Variants in CAMK2D observed in about 807,000 individuals in gnomAD.
The protein encoded by CAMK2D is calcium/calmodulin dependent protein kinase II delta.
A neutral mutation model predicts 84.0 loss-of-function variants in CAMK2D; 37 were observed. The ratio of observed to expected loss-of-function variants is 0.44; its 90% CI spans 0.34 to 0.58. CAMK2D has a LOEUF of 0.58. Ranked by LOEUF, CAMK2D falls within the 20% of genes least tolerant of loss-of-function variation. The pLI is 0.02. For synonymous variants in CAMK2D, 202 were observed against 212.5 expected, an observed-to-expected ratio of 0.95 and a Z score of 0.43; for missense variants, 448 against 652.5, an observed-to-expected ratio of 0.69 and a Z score of 3.41.
chr4:113,486,129 A>ATTT, intron 16 of CAMK2D, among the ~76,000 whole-genome samples: 1 of 146,746 alleles, frequency 6.8e-6, no homozygotes, highest in African/African-American at 2.5e-5. Context: ...TCCTCCTTTG[A>ATTT]TTTTTTTTTT....
At chr4:113,692,313 A>C (rs926614556) in intron 2 of CAMK2D, among the ~76,000 whole-genome samples, 1 of 152,070 alleles carries the variant, frequency 6.6e-6, no homozygotes, top group African/African-American at 2.4e-5. Context: ...CTACATTAAA[A>C]TATGGCCATA....
Position 113,493,548 on chromosome 4 carries a change from C to T in CAMK2D, c.1135+6915G>A, listed in dbSNP as rs1326134921. Among the ~76,000 whole-genome samples, 48 of 152,110 alleles carry T rather than the reference C, an allele frequency of 3.2e-4. 1 individual carries two copies. The South Asian group carries it at 6.9e-3, about 22-fold the overall frequency. On this transcript the variant is annotated intron_variant, in intron 16 of 20. Transcript: ENST00000511664. ...GATGGGCTTCCCTTTGAGGGTGACC[C>T]GACCTTTCTCTCTGGCTGCCCTTAA...
At chr4:113,568,577 T>C (rs919812103) in intron 4 of CAMK2D, among the ~76,000 whole-genome samples, 20 of 152,246 alleles carry the variant, frequency 1.3e-4, no homozygotes, top group African/African-American at 4.8e-4. Flanking sequence ...TCAATTCTTT[T>C]TGGTATATAC....
At chr4:113,548,815 A>C in intron 5 of CAMK2D, 1 of 664,286 alleles carries the variant, frequency 1.5e-6, no homozygotes, top group South Asian at 1.9e-5. Flanking sequence ...GAAAGTCCCA[A>C]TGAAACAAAC....
At chr4:113,708,929 C>T (rs1310457732) in intron 2 of CAMK2D, among the ~76,000 whole-genome samples, 1 of 152,056 alleles carries the variant, frequency 6.6e-6, no homozygotes, top group Non-Finnish European at 1.5e-5. Context: ...ACCATGTTGG[C>T]CAGGCTGGTC....
intron 4 of CAMK2D, among the ~76,000 whole-genome samples, chr4:113,607,137 T>G (rs552786307): frequency 7.4e-5 from 11 of 147,822 alleles, no homozygotes; most frequent in Admixed American, 1.3e-4. Flanking sequence ...TAAAGAAAGC[T>G]CAAGAAAAAA....
chr4:113,564,907 A>G (rs561825526), intron 4 of CAMK2D, among the ~76,000 whole-genome samples: 59 of 152,198 alleles, frequency 3.9e-4, no homozygotes, highest in Non-Finnish European at 6.9e-4. Flanking sequence ...CTCAGAAAAT[A>G]CAAAATGTAA....
intron 2 of CAMK2D, among the ~76,000 whole-genome samples, chr4:113,729,932 G>A (rs2099558999): frequency 6.6e-6 from 1 of 152,138 alleles, no homozygotes; most frequent in Non-Finnish European, 1.5e-5. Flanking sequence ...CCAGCCTCTA[G>A]AACTGTGAGA....
rs149044439 is a variant in CAMK2D, at chr4:113,454,311, T to A, written c.*234A>T. 3.3e-4 allele frequency: 132 copies of A among 394,702 alleles called. No homozygotes were observed. The highest frequency in any genetic ancestry group is 2.5e-3 in the African/African-American group (123 of 48,338). The allele number at this position is 394,702 out of a possible 1,614,324, so 24.4% of individuals were successfully genotyped here. A position where few individuals can be genotyped will look rare whatever the true frequency, so the allele number is the denominator to read the frequency against. ...TTTTGCCAACAGTAATTTAAGTTTG[T>A]GTGGAACATCCCCGTAGTTGAAGTG... On this transcript the variant is annotated 3_prime_UTR_variant, in exon 21 of 21. Coordinates refer to ENST00000511664, the MANE Select transcript of CAMK2D (RefSeq NM_001321571.2).
chr4:113,689,761 C>T (rs78940625), intron 2 of CAMK2D, among the ~76,000 whole-genome samples: 2,281 of 152,234 alleles, frequency 0.015, 38 homozygotes, highest in East Asian at 0.076. Context: ...TCCTTCATAG[C>T]ACTTACTACA....
chr4:113,621,957 T>C (rs1008093926), intron 3 of CAMK2D, among the ~76,000 whole-genome samples: 1 of 152,228 alleles, frequency 6.6e-6, no homozygotes, highest in Non-Finnish European at 1.5e-5. Flanking sequence ...TGTCTTCATC[T>C]ATATGGGGCT....
chr4:113,667,035 C>T (rs2099260131), intron 2 of CAMK2D, among the ~76,000 whole-genome samples: 1 of 152,182 alleles, frequency 6.6e-6, no homozygotes, highest in Admixed American at 6.5e-5. Context: ...TGTTTCATTT[C>T]CAAGAAACTA....
intron 5 of CAMK2D, chr4:113,548,698 T>G (rs768312126): frequency 3.0e-5 from 48 of 1,588,056 alleles, no homozygotes; most frequent in Non-Finnish European, 4.1e-5. Flanking sequence ...TGACAATGAT[T>G]AACACTTTCT....
chr4:113,534,463 G>A (rs1249615661), intron 7 of CAMK2D, among the ~76,000 whole-genome samples: 1 of 152,164 alleles, frequency 6.6e-6, no homozygotes, highest in Non-Finnish European at 1.5e-5. Flanking sequence ...ACTCTAACAG[G>A]TACCTTAACA....
At position 113,502,816 on chromosome 4, in the gene CAMK2D, T is replaced by C; in HGVS notation, c.1086+120A>G. On this transcript the variant is annotated intron_variant, in intron 15 of 20. Transcript: ENST00000511664. ...TAGATAAATTAGGCCCAAAAGGAAGTGTGGTAGAAAATGGTTAGAATTTTC... is the reference window on the plus strand; with the variant it reads ...TAGATAAATTAGGCCCAAAAGGAAGCGTGGTAGAAAATGGTTAGAATTTTC... 13 of 714,026 alleles carry C rather than the reference T, an allele frequency of 1.8e-5. No homozygotes were observed. In the Middle Eastern group the frequency reaches 3.1e-3, roughly 170 times the overall value. The allele number at this position is 714,026 out of a possible 1,614,324, so 44.2% of individuals were successfully genotyped here.
intron 3 of CAMK2D, among the ~76,000 whole-genome samples, chr4:113,659,371 A>G (rs547610481): frequency 1.3e-5 from 2 of 152,326 alleles, no homozygotes; most frequent in East Asian, 1.9e-4. Flanking sequence ...TGGGCAAATG[A>G]TGTCCTCCCC....
At chr4:113,750,731 G>C (rs552580803) in intron 2 of CAMK2D, among the ~76,000 whole-genome samples, 1 of 152,132 alleles carries the variant, frequency 6.6e-6, no homozygotes, top group African/African-American at 2.4e-5. Context: ...AAGCAGCCAG[G>C]CACAGTGAGT....
rs17046110 is a variant in CAMK2D, at chr4:113,496,049, C to T, written c.1135+4414G>A. Among the ~76,000 whole-genome samples, 448 of 152,180 alleles carry T rather than the reference C, an allele frequency of 2.9e-3. 6 individuals carry two copies. The highest frequency in any genetic ancestry group is 9.2e-3 in the African/African-American group (384 of 41,534). On this transcript the variant is annotated intron_variant, in intron 16 of 20. Transcript: ENST00000511664. ...TGGGTTATGAGGCGGAGAGGCATTG[C>T]GGCATACAGCGACAGGTCCTGCAAA...
At chr4:113,709,392 A>G (rs2099479599) in intron 2 of CAMK2D, among the ~76,000 whole-genome samples, 1 of 152,128 alleles carries the variant, frequency 6.6e-6, no homozygotes, top group African/African-American at 2.4e-5. Flanking sequence ...ATGAAAAAAA[A>G]AGTGTTTAAA....
Sources: gnomAD v4.1 joint callset for allele counts (sites outside exome capture counted in the v4.1 genomes callset) on GRCh38, gnomAD v4.1.1 for gene constraint, MANE v1.5 for transcripts, NCBI Gene and HGNC (gene_info 2026-07-23, HGNC 2026-07-21) for gene names.